The following POLR3A variants were observed in gnomAD, a reference collection of about 807,000 sequenced individuals.
The protein encoded by POLR3A is RNA polymerase III subunit A, also known as DNA-directed RNA polymerase III subunit RPC1.
POLR3A carries 112 observed loss-of-function variants against 152.8 expected under a neutral mutation model. The ratio of observed to expected loss-of-function variants is 0.73; its 90% CI spans 0.63 to 0.86. The LOEUF (loss-of-function observed/expected upper bound fraction) is 0.86. Among genes scored for constraint, POLR3A ranks in the 40% least tolerant of loss-of-function variants. The probability of loss-of-function intolerance (pLI) is 0.00; values close to 1 mark genes in which losing one functional copy is unlikely to be tolerated. For missense variants in POLR3A, 1,385 were observed against 1,743.1 expected, an observed-to-expected ratio of 0.79 and a Z score of 3.66; for synonymous variants, 615 against 652.1, an observed-to-expected ratio of 0.94 and a Z score of 0.87.
intron 10 of POLR3A, among the ~76,000 whole-genome samples, chr10:78,014,377 AC>A: frequency 6.6e-6 from 1 of 152,158 alleles, no homozygotes. Context: ...GTCAAAACAA[AC>A]AAAAAACCCC....
intron 1 of POLR3A, among the ~76,000 whole-genome samples, chr10:78,028,046 A>T (rs1589320536): frequency 6.6e-6 from 1 of 152,184 alleles, no homozygotes; most frequent in East Asian, 1.9e-4. Flanking sequence ...TGTTCTAGTG[A>T]ATGGCAACCA....
intron 15 of POLR3A, among the ~76,000 whole-genome samples, chr10:78,007,495 A>G (rs1020563198): frequency 6.6e-6 from 1 of 152,332 alleles, no homozygotes; most frequent in Middle Eastern, 3.4e-3. Context: ...GAGAACTGAA[A>G]AGCAAATTCA....
At chr10:77,988,208 T>C (rs990700029) in intron 21 of POLR3A, among the ~76,000 whole-genome samples, 1 of 152,154 alleles carries the variant, frequency 6.6e-6, no homozygotes, top group Non-Finnish European at 1.5e-5. Flanking sequence ...TTGTTCTACA[T>C]AGAAAGGGCT....
intron 20 of POLR3A, among the ~76,000 whole-genome samples, chr10:77,992,374 T>C (rs1055529776): frequency 1.7e-4 from 26 of 151,418 alleles, no homozygotes; most frequent in African/African-American, 6.3e-4. Flanking sequence ...GGCTTAAGGA[T>C]TCACCTGCCC....
chr10:77,981,406 C>T lies in POLR3A; in HGVS notation c.3891+22G>A, dbSNP rs374519202. 91 of 1,613,030 alleles carry T rather than the reference C, an allele frequency of 5.6e-5. No individual in the cohort carries two copies. The East Asian group carries it at 1.1e-3, about 19-fold the overall frequency. On this transcript the variant is annotated intron_variant, in intron 29 of 30. Coordinates refer to ENST00000372371, the MANE Select transcript of POLR3A (RefSeq NM_007055.4). The stretch of plus-strand genomic sequence containing the variant: ...TGAGTTTCGGGATGCCCAGGCAGCC[C>T]GGGGGCCTCCTGCCCACATACCTTG...
At chr10:77,981,002 C>G (rs1172469547) in intron 29 of POLR3A, among the ~76,000 whole-genome samples, 1 of 152,118 alleles carries the variant, frequency 6.6e-6, no homozygotes, top group African/African-American at 2.4e-5. Flanking sequence ...CCCACCTCAG[C>G]CTCCCGCCCC....
In POLR3A at chr10:78,001,111, G is replaced by C. The variant is rs985322928; in HGVS notation, c.2360-17C>G. On this transcript the variant is annotated splice_polypyrimidine_tract_variant and intron_variant, in intron 17 of 30. Coordinates refer to ENST00000372371, the MANE Select transcript of POLR3A (RefSeq NM_007055.4). ...TGAAGGAACCTGGGGACATGGACCA[G>C]AAATGTAACATTCATTTACCAAAAT... is the stretch of plus-strand genomic sequence containing the variant. 3.8e-6 allele frequency: 5 copies of C among 1,318,502 alleles called. No individual in the cohort carries two copies. Among genetic ancestry groups the C allele is most frequent in the Non-Finnish European group, 5.5e-6 (5 of 911,422 alleles). 81.7% of individuals were successfully genotyped at this position (1,318,502 alleles called of 1,614,324 possible). A position where few individuals can be genotyped will look rare whatever the true frequency, so the allele number is the denominator to read the frequency against.
chr10:78,007,699 T>G lies in POLR3A; in HGVS notation c.2074+3A>C, dbSNP rs770073339. On this transcript the variant is annotated splice_donor_region_variant and intron_variant, in intron 15 of 30. Transcript: ENST00000372371. ...ACTAAAAGAAGGATGCTGAGATACTTACACAGGTAGACAGGAGCCAGCCTG... is the reference window on the plus strand; with the variant it reads ...ACTAAAAGAAGGATGCTGAGATACTGACACAGGTAGACAGGAGCCAGCCTG... The G allele has an allele frequency of 6.2e-7, 1 of 1,613,040 alleles. No individual in the cohort carries two copies. The highest frequency in any genetic ancestry group is 1.7e-5 in the Admixed American group (1 of 60,010).
At chr10:77,999,068 G>T (rs574211913) in intron 19 of POLR3A, among the ~76,000 whole-genome samples, 1 of 152,030 alleles carries the variant, frequency 6.6e-6, no homozygotes, top group Non-Finnish European at 1.5e-5. Context: ...ACCAAATGCC[G>T]CATGTTCTCA....
intron 27 of POLR3A, 151 bp from the exon 28 acceptor site, chr10:77,982,469 T>C (rs756896640): frequency 1.1e-6 from 1 of 921,504 alleles, no homozygotes; most frequent in Non-Finnish European, 1.8e-6. Context: ...TTCAGGGGAC[T>C]GCACCTCATC....
intron 20 of POLR3A, 25 bp downstream of exon 20, chr10:77,993,172 C>A (rs754528073): frequency 6.3e-7 from 1 of 1,584,022 alleles, no homozygotes; most frequent in Non-Finnish European, 8.7e-7. Flanking sequence ...AACACTCTAA[C>A]CCCAGATATA....
chr10:78,000,051 A>C lies in POLR3A; in HGVS notation c.2546T>G (p.Phe849Cys). 6.2e-7 allele frequency: 1 copy of C among 1,614,122 alleles called. No individual in the cohort carries two copies. Among genetic ancestry groups the C allele is most frequent in the Non-Finnish European group, 8.5e-7 (1 of 1,179,986 alleles). Residue 849 changes from phenylalanine to cysteine, a missense_variant, in exon 19 of 31, where the codon TTC becomes TGC. Physicochemically the swap from Phe to Cys is radical, Grantham distance 205 (BLOSUM62 -2). Transcript: ENST00000372371. ...YSGLTPTEFFFHTMAGREGLV... is the reference protein window; with the variant it reads ...YSGLTPTEFFCHTMAGREGLV... ...ACCTTCCCGGCCGGCCATTGTGTGG[A>C]AGAAAAACTCAGTTGGTGTCAAACC...
At chr10:78,007,450 A>G (rs1847421922) in intron 15 of POLR3A, among the ~76,000 whole-genome samples, 1 of 152,216 alleles carries the variant, frequency 6.6e-6, no homozygotes. Context: ...AACCCTGTCT[A>G]GAAGACCGTA....
At position 77,985,054 on chromosome 10, in the gene POLR3A, G is replaced by C. The variant is rs561084130; in HGVS notation, c.3242+116C>G. ...ATTAACACAGCAAGCATGCCACCCA[G>C]AGTTTAAGACACAGTCCTATGAGGA... On this transcript the variant is annotated intron_variant, in intron 24 of 30. Coordinates refer to ENST00000372371, the MANE Select transcript of POLR3A (RefSeq NM_007055.4). 6.4e-4 allele frequency: 609 copies of C among 948,680 alleles called. 1 individual carries two copies. Among genetic ancestry groups the C allele is most frequent in the Non-Finnish European group, 1.0e-3 (586 of 587,360 alleles). 58.8% of individuals were successfully genotyped at this position (948,680 alleles called of 1,614,324 possible).
intron 19 of POLR3A, among the ~76,000 whole-genome samples, chr10:77,997,072 T>C (rs1847308931): frequency 6.6e-6 from 1 of 152,110 alleles, no homozygotes; most frequent in Admixed American, 6.6e-5. Context: ...CACATGATTA[T>C]CTCAATAGAT....
At chr10:78,016,803 C>T (rs961112120) in intron 10 of POLR3A, among the ~76,000 whole-genome samples, 1 of 139,270 alleles carries the variant, frequency 7.2e-6, no homozygotes, top group Non-Finnish European at 1.5e-5. Flanking sequence ...TGAGCCGAGG[C>T]GGTCAAAGCT....
In POLR3A at chr10:78,024,595, G is replaced by A. The variant is rs1375916594; in HGVS notation, c.599C>T (p.Ala200Val). ...CTCCACTTCTTTATTATGTTCAATG[G>A]CTGTTTCAAAAGACTGAAGGAAATT... ...VSNFLQSFET[A>V]IEHNKEVEPL... is the part of the protein sequence containing the mutation. Residue 200 changes from alanine (A) to valine (V), a missense_variant, in exon 5 of 31, where the codon GCC becomes GTC. Physicochemically the swap from Ala to Val is moderately conservative, Grantham distance 64. Transcript: ENST00000372371. 1 of 1,613,762 alleles carries A rather than the reference G, an allele frequency of 6.2e-7. No individual in the cohort carries two copies. The highest frequency in any genetic ancestry group is 8.5e-7 in the Non-Finnish European group (1 of 1,179,910).
At chr10:78,003,985 C>T (rs12246410) in intron 16 of POLR3A, among the ~76,000 whole-genome samples, 18,449 of 151,672 alleles carry the variant, frequency 0.12, 2,160 homozygotes, top group African/African-American at 0.29. Flanking sequence ...CCTGTAATCC[C>T]AGTACTTTGG....
intron 19 of POLR3A, among the ~76,000 whole-genome samples, chr10:77,999,140 G>A (rs894575546): frequency 4.6e-5 from 7 of 152,200 alleles, no homozygotes; most frequent in South Asian, 2.1e-4. Flanking sequence ...ATCACACACC[G>A]GGGACTGTTG....
Sources: gnomAD v4.1 joint callset for allele counts (sites outside exome capture counted in the v4.1 genomes callset) on GRCh38, gnomAD v4.1.1 for gene constraint, MANE v1.5 for transcripts, NCBI Gene and HGNC (gene_info 2026-07-23, HGNC 2026-07-21) for gene names.